Variants in RBFOX1 observed in about 807,000 individuals in gnomAD.
RBFOX1 encodes RNA binding fox-1 homolog 1.
RBFOX1 carries 8 observed loss-of-function variants against 57.7 expected under a neutral mutation model. The observed-to-expected ratio is 0.14, with a 90% CI of 0.08 to 0.25. RBFOX1 has a LOEUF of 0.25. Among genes scored for constraint, RBFOX1 ranks in the 10% least tolerant of loss-of-function variants. RBFOX1 has a pLI of 1.00. For synonymous variants in RBFOX1, 326 were observed against 222.4 expected, an observed-to-expected ratio of 1.47 and a Z score of -4.15; for missense variants, 611 against 548.5, an observed-to-expected ratio of 1.11 and a Z score of -1.14.
chr16:6,698,494 C>T (rs13337871), intron 3 of RBFOX1, among the ~76,000 whole-genome samples: 1 of 152,126 alleles, frequency 6.6e-6, no homozygotes, highest in Admixed American at 6.5e-5. Flanking sequence ...GGGCTGGGCC[C>T]TGTCTTTCCC....
chr16:7,482,174 T>C (rs1451989230), intron 4 of RBFOX1, among the ~76,000 whole-genome samples: 4 of 152,214 alleles, frequency 2.6e-5, no homozygotes, highest in African/African-American at 9.7e-5. Context: ...TTGTGTTGCA[T>C]GAAGGGTTAC....
At chr16:7,533,339 A>G (rs910776367) in intron 5 of RBFOX1, among the ~76,000 whole-genome samples, 7 of 152,244 alleles carry the variant, frequency 4.6e-5, no homozygotes, top group Non-Finnish European at 1.0e-4. Flanking sequence ...AGTGACTGCC[A>G]GAGTTGTTAT....
chr16:5,449,121 C>G (rs899162115), intron 1 of RBFOX1, among the ~76,000 whole-genome samples: 1 of 152,092 alleles, frequency 6.6e-6, no homozygotes. Context: ...CCCTGGGGTC[C>G]CAGACGAGGC....
intron 3 of RBFOX1, among the ~76,000 whole-genome samples, chr16:5,849,735 C>T (rs11076976): frequency 0.27 from 40,466 of 152,032 alleles, 5,583 homozygotes; most frequent in African/African-American, 0.31. Context: ...CTCGCCGATG[C>T]ACAGCTTCCC....
At chr16:6,318,475 T>C (rs1445449685) in intron 2 of RBFOX1, among the ~76,000 whole-genome samples, 1 of 152,146 alleles carries the variant, frequency 6.6e-6, no homozygotes, top group East Asian at 1.9e-4. Flanking sequence ...ATAGATGCCT[T>C]TGTTGGTGCT....
At chr16:7,541,626 T>C (rs2082963507) in intron 5 of RBFOX1, among the ~76,000 whole-genome samples, 1 of 152,142 alleles carries the variant, frequency 6.6e-6, no homozygotes, top group Non-Finnish European at 1.5e-5. Flanking sequence ...TTGTCTTTCA[T>C]CTATTTCTGA....
chr16:6,044,095 A>G (rs961558716), intron 1 of RBFOX1, among the ~76,000 whole-genome samples: 3 of 152,218 alleles, frequency 2.0e-5, no homozygotes, highest in Non-Finnish European at 4.4e-5. Flanking sequence ...TGAGTATGCC[A>G]TCTGTTTCTT....
At chr16:6,706,267 G>T (rs960118857) in intron 3 of RBFOX1, among the ~76,000 whole-genome samples, 1 of 152,020 alleles carries the variant, frequency 6.6e-6, no homozygotes, top group Non-Finnish European at 1.5e-5. Flanking sequence ...TTGATGATAG[G>T]GCAACTTGAA....
chr16:5,770,485 C>T (rs1397388581), intron 3 of RBFOX1, among the ~76,000 whole-genome samples: 1 of 152,138 alleles, frequency 6.6e-6, no homozygotes, highest in Non-Finnish European at 1.5e-5. Flanking sequence ...AATAACCCAC[C>T]CCTTGTTTAG....
chr16:7,197,402 A>C (rs1254134892), intron 4 of RBFOX1, among the ~76,000 whole-genome samples: 3 of 148,870 alleles, frequency 2.0e-5, no homozygotes, highest in African/African-American at 7.5e-5. Context: ...CTAAGTTAAA[A>C]GGTAGTCATG....
intron 3 of RBFOX1, among the ~76,000 whole-genome samples, chr16:6,737,304 A>G (rs2070663972): frequency 1.3e-5 from 2 of 152,170 alleles, no homozygotes. Context: ...CTACCCTTAT[A>G]TGTTATTTAT....
intron 2 of RBFOX1, among the ~76,000 whole-genome samples, chr16:5,565,325 A>G (rs2046027255): frequency 6.6e-6 from 1 of 152,166 alleles, no homozygotes; most frequent in East Asian, 1.9e-4. Context: ...ATACCACTAC[A>G]TTAGAATTTG....
intron 5 of RBFOX1, among the ~76,000 whole-genome samples, chr16:7,525,565 C>T (rs564609090): frequency 1.3e-5 from 2 of 152,308 alleles, no homozygotes; most frequent in South Asian, 2.1e-4. Context: ...GACACCCACA[C>T]CCTTGCCCAA....
At chr16:5,635,800 A>G (rs2048664718) in intron 3 of RBFOX1, among the ~76,000 whole-genome samples, 1 of 126,376 alleles carries the variant, frequency 7.9e-6, no homozygotes, top group South Asian at 2.6e-4. Context: ...GATTTGTAGC[A>G]CTGGGTTTTT....
At chr16:5,771,685 A>G (rs999545791) in intron 3 of RBFOX1, among the ~76,000 whole-genome samples, 7 of 152,174 alleles carry the variant, frequency 4.6e-5, no homozygotes, top group Admixed American at 4.6e-4. Flanking sequence ...TTGGGATGAC[A>G]GATGTAAGCT....
At chr16:6,393,492 G>A (rs145253431) in intron 2 of RBFOX1, among the ~76,000 whole-genome samples, 2 of 152,234 alleles carry the variant, frequency 1.3e-5, no homozygotes, top group Admixed American at 1.3e-4. Context: ...ATCCATGCAT[G>A]GAACAGGAAA....
At chr16:6,598,149 C>G (rs751648518) in intron 2 of RBFOX1, among the ~76,000 whole-genome samples, 6 of 152,348 alleles carry the variant, frequency 3.9e-5, no homozygotes, top group Non-Finnish European at 7.3e-5. Flanking sequence ...TGTCTTCACA[C>G]ACACATCTGT....
chr16:7,484,932 C>G (rs1377194402), intron 4 of RBFOX1, among the ~76,000 whole-genome samples: 2 of 152,176 alleles, frequency 1.3e-5, no homozygotes, highest in Non-Finnish European at 2.9e-5. Context: ...TTTGTCCCAA[C>G]CCATATGCCC....
rs76086594 is a variant in RBFOX1 at position 5,546,731 on chromosome 16, C to G, written c.259-52171C>G. 3.2e-3 allele frequency among the ~76,000 whole-genome samples: 487 copies of G among 152,160 alleles called. 10 individuals carry two copies. The East Asian group carries it at 0.036, about 11-fold the overall frequency. On this transcript the variant is annotated intron_variant, in intron 2 of 2. Transcript: ENST00000585867. ...CTTAGATATGTTGCCAAAAACAAGA[C>G]CTATTAAAAATGGATAAATTTTAAA...
Sources: allele counts gnomAD v4.1 joint callset (sites outside exome capture counted in the v4.1 genomes callset), GRCh38; gene constraint gnomAD v4.1.1; transcripts MANE v1.5; gene names NCBI Gene and HGNC (gene_info 2026-07-23, HGNC 2026-07-21).